Variants in ZKSCAN1 observed in about 807,000 individuals in gnomAD.
ZKSCAN1 encodes the protein zinc finger protein with KRAB and SCAN domains 1.
In ZKSCAN1, 14 loss-of-function variants were observed where a neutral mutation model predicts 51.6. The observed-to-expected ratio is 0.27, with a 90% CI of 0.18 to 0.42. The LOEUF (loss-of-function observed/expected upper bound fraction) is 0.42, where lower values mean the gene tolerates loss of function less well. Ranked by LOEUF, ZKSCAN1 falls within the 10% of genes least tolerant of loss-of-function variation. The pLI is 1.00. For missense variants in ZKSCAN1, 531 were observed against 710.0 expected, an observed-to-expected ratio of 0.75 and a Z score of 2.86; for synonymous variants, 263 against 261.5, an observed-to-expected ratio of 1.01 and a Z score of -0.06.
At position 100,033,429 on chromosome 7, in the gene ZKSCAN1, G is replaced by A. The variant is rs1791201694; in HGVS notation, c.924G>A (p.Glu308=). ...AGTTTGGAGAGAAACGTGACCAGGAGGGCAAAACAGGAGAAAGACAGCAGA... is the reference window on the plus strand; with the variant it reads ...AGTTTGGAGAGAAACGTGACCAGGAAGGCAAAACAGGAGAAAGACAGCAGA... ...QKEFGEKRDQ[E]GKTGERQQKN... The change falls in exon 6 of 6, where the codon GAG becomes GAA. Residue 308 remains glutamate, a synonymous_variant. Coordinates refer to ENST00000324306, the MANE Select transcript of ZKSCAN1 (RefSeq NM_003439.4). The surrounding 1 kb of genome is among the most constrained non-coding windows in gnomAD (Gnocchi z 4.1). 1.2e-6 allele frequency: 2 copies of A among 1,613,860 alleles called. No homozygotes were observed. The highest frequency in any genetic ancestry group is 1.7e-5 in the Admixed American group (1 of 59,972).
chr7:100,030,166 C>A, intron 4 of ZKSCAN1, 83 bp from the exon 5 acceptor site: 1 of 1,562,454 alleles, frequency 6.4e-7, no homozygotes, highest in South Asian at 1.2e-5. Context: ...TTTGCAGCCA[C>A]CTCTCTTCCT....
chr7:100,024,337 G>A (rs1187871706), intron 3 of ZKSCAN1, 30 bp downstream of exon 3: 10 of 1,611,200 alleles, frequency 6.2e-6, no homozygotes, highest in Non-Finnish European at 8.5e-6. Context: ...TTAGGGGAAG[G>A]GAAATGATTC....
chr7:100,042,183 G>A (rs1791615472), downstream of ZKSCAN1, among the ~76,000 whole-genome samples: 1 of 152,062 alleles, frequency 6.6e-6, no homozygotes, highest in African/African-American at 2.4e-5. Context: ...ACCAGGCGTG[G>A]TGGCGGGCGC....
At chr7:100,032,131 A>G (rs1791132515) in intron 5 of ZKSCAN1, among the ~76,000 whole-genome samples, 1 of 152,254 alleles carries the variant, frequency 6.6e-6, no homozygotes, top group Non-Finnish European at 1.5e-5. Context: ...GCTTGTTGAT[A>G]GAAAACTCAC....
intron 1 of ZKSCAN1, among the ~76,000 whole-genome samples, chr7:100,019,006 C>G (rs1189563845): frequency 3.9e-5 from 6 of 152,194 alleles, no homozygotes; most frequent in Non-Finnish European, 7.3e-5. Context: ...AAAACTTTCA[C>G]AAAAGTAGGG....
chr7:100,037,237 A>G lies in ZKSCAN1; in HGVS notation c.*3040A>G. ...TAACAGTTGAAACATTCTACAGTTA[A>G]CCATTAGCATGCTAGTTGTCCTAAT... On this transcript the variant is annotated 3_prime_UTR_variant, in exon 6 of 6. Transcript: ENST00000324306. The G allele has an allele frequency of 1.0e-6, 1 of 985,330 alleles. No homozygotes were observed. Among genetic ancestry groups the G allele is most frequent in the Non-Finnish European group, 1.2e-6 (1 of 829,922 alleles). The allele number at this position is 985,330 out of a possible 1,614,324, so 61.0% of individuals were successfully genotyped here. A position where few individuals can be genotyped will look rare whatever the true frequency, so the allele number is the denominator to read the frequency against.
intron 3 of ZKSCAN1, chr7:100,024,865 G>C (rs894576647): frequency 7.2e-6 from 1 of 138,466 alleles, no homozygotes; most frequent in Non-Finnish European, 1.5e-5. Context: ...GTACCACTGT[G>C]CTCTAGCCTT....
At chr7:100,027,489 G>A (rs1013665128) in intron 3 of ZKSCAN1, among the ~76,000 whole-genome samples, 6 of 151,140 alleles carry the variant, frequency 4.0e-5, no homozygotes, top group Admixed American at 6.6e-5. Context: ...GGTGGCTCAC[G>A]CCTGTAATTC....
Position 100,030,329 on chromosome 7 carries a change from C to T in ZKSCAN1, c.753C>T (p.Leu251=). The T allele has an allele frequency of 6.2e-7, 1 of 1,614,122 alleles. No homozygotes were observed. Among genetic ancestry groups the T allele is most frequent in the Non-Finnish European group, 8.5e-7 (1 of 1,180,028 alleles). The change falls in exon 5 of 6, where the codon CTC becomes CTT. Residue 251 remains leucine (L), a synonymous_variant. Coordinates refer to ENST00000324306, the MANE Select transcript of ZKSCAN1 (RefSeq NM_003439.4). Reference sequence around the variant, plus strand: ...GTCAGAATCTGGCTCGGAGGAATCTCAGTAGGGACAACAGGCAGGAGAATT... The same window carrying T: ...GTCAGAATCTGGCTCGGAGGAATCTTAGTAGGGACAACAGGCAGGAGAATT... ...WGCQNLARRN[L]SRDNRQENYG...
Position 100,023,634 on chromosome 7 carries a change from C to A in ZKSCAN1, c.128C>A (p.Thr43Asn), listed in dbSNP as rs745832508. Reference protein sequence around the residue: ...EEDHMWGQDSTLQDTPPPDPE... With the variant: ...EEDHMWGQDSNLQDTPPPDPE... ...GACCACATGTGGGGGCAGGATTCCA[C>A]CCTACAGGACACGCCTCCTCCAGAC... is the stretch of plus-strand genomic sequence containing the variant. The change falls in exon 2 of 6, where the codon ACC (threonine) becomes AAC (asparagine). Residue 43 changes from threonine to asparagine, a missense_variant. Coordinates refer to ENST00000324306, the MANE Select transcript of ZKSCAN1 (RefSeq NM_003439.4). The A allele has an allele frequency of 6.2e-7, 1 of 1,613,978 alleles. No homozygotes were observed. The highest frequency in any genetic ancestry group is 1.7e-5 in the Admixed American group (1 of 60,004).
At chr7:100,043,039 A>T (rs534217749), downstream of ZKSCAN1, among the ~76,000 whole-genome samples, 1 of 152,112 alleles carries the variant, frequency 6.6e-6, no homozygotes, top group East Asian at 1.9e-4. Context: ...TGACCTCATG[A>T]TCTGCCTGCC....
At position 100,040,626 on chromosome 7, in the gene ZKSCAN1, G is replaced by A; in HGVS notation, c.*6429G>A. 1.0e-6 allele frequency: 1 copy of A among 985,446 alleles called. No homozygotes were observed. The highest frequency in any genetic ancestry group is 1.2e-6 in the Non-Finnish European group (1 of 829,948). 61.0% of individuals were successfully genotyped at this position (985,446 alleles called of 1,614,324 possible). A position where few individuals can be genotyped will look rare whatever the true frequency, so the allele number is the denominator to read the frequency against. ...TAAATCTCCATCATTAAGTCTTCCA[G>A]CAAGGTTAAGTGCAGTATGGAAGGA... On this transcript the variant is annotated 3_prime_UTR_variant, in exon 6 of 6. Coordinates refer to ENST00000324306, the MANE Select transcript of ZKSCAN1 (RefSeq NM_003439.4).
chr7:100,033,227 C>T lies in ZKSCAN1; in HGVS notation c.800-78C>T. On this transcript the variant is annotated intron_variant, in intron 5 of 5. Transcript: ENST00000324306. The surrounding 1 kb of genome is among the most constrained non-coding windows in gnomAD (Gnocchi z 4.1). The stretch of plus-strand genomic sequence containing the variant: ...TCATTTTGCAGCCGTGTAGAAGCTT[C>T]TCGGGAAACTGTCGCTTGACCCACC... The T allele has an allele frequency of 6.7e-7, 1 of 1,481,964 alleles. No homozygotes were observed. Among genetic ancestry groups the T allele is most frequent in the South Asian group, 1.5e-5 (1 of 68,824 alleles). The allele number at this position is 1,481,964 out of a possible 1,614,324, so 91.8% of individuals were successfully genotyped here.
intron 1 of ZKSCAN1, among the ~76,000 whole-genome samples, chr7:100,020,231 A>G (rs975011395): frequency 4.6e-5 from 7 of 152,188 alleles, no homozygotes; most frequent in Admixed American, 2.6e-4. Flanking sequence ...TGCGGGGGGA[A>G]GTCCCAGGCA....
chr7:100,022,027 G>A (rs940405348), intron 1 of ZKSCAN1, among the ~76,000 whole-genome samples: 1 of 152,110 alleles, frequency 6.6e-6, no homozygotes, highest in Non-Finnish European at 1.5e-5. Flanking sequence ...ATAGGCATGA[G>A]CTACCATATC....
At chr7:100,029,095 C>T (rs555957298) in intron 3 of ZKSCAN1, among the ~76,000 whole-genome samples, 17 of 149,958 alleles carry the variant, frequency 1.1e-4, no homozygotes, top group African/African-American at 3.7e-4. Flanking sequence ...ACCCGGGAGC[C>T]GAAAGTTGCG....
chr7:100,017,124 G>C (rs1217372788), intron 1 of ZKSCAN1, among the ~76,000 whole-genome samples: 5 of 151,834 alleles, frequency 3.3e-5, no homozygotes, highest in African/African-American at 1.2e-4. Context: ...AATATTCTTT[G>C]AATAGCTAGC....
intron 3 of ZKSCAN1, among the ~76,000 whole-genome samples, chr7:100,026,543 C>T (rs1790845332): frequency 6.6e-6 from 1 of 152,066 alleles, no homozygotes; most frequent in Non-Finnish European, 1.5e-5. Context: ...GTTTGGCCAA[C>T]ATAGTGAAAC....
At chr7:100,023,156 G>T (rs753740122) in intron 1 of ZKSCAN1, among the ~76,000 whole-genome samples, 1 of 152,002 alleles carries the variant, frequency 6.6e-6, no homozygotes, top group African/African-American at 2.4e-5. Flanking sequence ...GATTACAGGC[G>T]CCTGCCACCA....
Sources: gnomAD v4.1 joint callset for allele counts (sites outside exome capture counted in the v4.1 genomes callset) on GRCh38, gnomAD v4.1.1 for gene constraint, Gnocchi (gnomAD v3.1) non-coding constraint, MANE v1.5 for transcripts, NCBI Gene and HGNC (gene_info 2026-07-23, HGNC 2026-07-21) for gene names.